EPHA6: variants seen among roughly 807,000 people sequenced by gnomAD.
EPHA6 encodes the protein EPH receptor A6.
In EPHA6, 50 loss-of-function variants were observed where a neutral mutation model predicts 112.0. The observed-to-expected ratio is 0.45, with a 90% CI of 0.36 to 0.56. EPHA6 has a LOEUF of 0.56. Ranked by LOEUF, EPHA6 falls within the 20% of genes least tolerant of loss-of-function variation. EPHA6 has a pLI of 0.00. For missense variants in EPHA6, 1,280 were observed against 1,417.4 expected (o/e 0.90, Z 1.56); for synonymous variants, 529 against 490.7 (o/e 1.08, Z -1.03).
intron 10 of EPHA6, among the ~76,000 whole-genome samples, chr3:97,502,610 G>A (rs2092149077): frequency 1.3e-5 from 2 of 151,582 alleles, no homozygotes; most frequent in Non-Finnish European, 2.9e-5. Flanking sequence ...CAAGATGGGA[G>A]GATCACGAGG....
At chr3:97,349,541 A>G (rs985880875) in intron 5 of EPHA6, among the ~76,000 whole-genome samples, 1 of 152,150 alleles carries the variant, frequency 6.6e-6, no homozygotes, top group African/African-American at 2.4e-5. Flanking sequence ...AGAAATTTAA[A>G]TATGCATTCC....
rs576836695 is a variant in EPHA6 at position 97,658,332 on chromosome 3, A to G, written c.2784+20250A>G. 8.6e-5 allele frequency among the ~76,000 whole-genome samples: 13 copies of G among 151,806 alleles called. No homozygotes were observed. The East Asian group carries it at 2.1e-3, about 25-fold the overall frequency. On this transcript the variant is annotated intron_variant, in intron 14 of 17. Transcript: ENST00000389672. ...TATCCATGACAATTATTTGTCTCCAATATAGACCAATGTAAAAATGTATGT... is the reference window on the plus strand; with the variant it reads ...TATCCATGACAATTATTTGTCTCCAGTATAGACCAATGTAAAAATGTATGT...
At chr3:96,946,517 T>C (rs1387335726) in intron 2 of EPHA6, among the ~76,000 whole-genome samples, 1 of 152,228 alleles carries the variant, frequency 6.6e-6, no homozygotes, top group Non-Finnish European at 1.5e-5. Flanking sequence ...TCCTTTTTTA[T>C]GGCTGCATAG....
At chr3:97,741,584 C>T (rs1366981058) in intron 16 of EPHA6, among the ~76,000 whole-genome samples, 5 of 151,968 alleles carry the variant, frequency 3.3e-5, no homozygotes, top group Non-Finnish European at 5.9e-5. Flanking sequence ...CCCTTAGACA[C>T]GGAAACAGAG....
At chr3:97,374,550 T>C (rs941477538) in intron 5 of EPHA6, among the ~76,000 whole-genome samples, 2 of 152,086 alleles carry the variant, frequency 1.3e-5, no homozygotes, top group African/African-American at 4.8e-5. Flanking sequence ...GTATATTGCA[T>C]AATGCTAAGG....
chr3:97,696,477 A>G (rs192117130), intron 14 of EPHA6, among the ~76,000 whole-genome samples: 14 of 152,172 alleles, frequency 9.2e-5, no homozygotes, highest in African/African-American at 3.1e-4. Flanking sequence ...TACCTCATTA[A>G]TCTCTGTTTT....
intron 3 of EPHA6, among the ~76,000 whole-genome samples, chr3:97,039,954 A>G (rs1203613975): frequency 6.6e-6 from 1 of 152,054 alleles, no homozygotes; most frequent in East Asian, 1.9e-4. Flanking sequence ...ACTGAGAAAA[A>G]TAACTGAACA....
chr3:96,992,229 C>A (rs188422348), intron 3 of EPHA6, among the ~76,000 whole-genome samples: 1 of 152,242 alleles, frequency 6.6e-6, no homozygotes. Flanking sequence ...CATGTGTTGA[C>A]CTTTTAGTAT....
chr3:97,236,334 CG>C (rs1269191121), intron 4 of EPHA6, among the ~76,000 whole-genome samples: 1 of 151,418 alleles, frequency 6.6e-6, no homozygotes, highest in Non-Finnish European at 1.5e-5. Flanking sequence ...AGAGGAATGA[CG>C]TAAGAGTCTA....
chr3:97,429,723 T>C (rs1352131542), intron 6 of EPHA6, among the ~76,000 whole-genome samples: 1 of 152,216 alleles, frequency 6.6e-6, no homozygotes, highest in Non-Finnish European at 1.5e-5. Flanking sequence ...TCTATAATTT[T>C]AAACAAATCC....
At chr3:97,030,964 TAAAG>T (rs1392526502) in intron 3 of EPHA6, among the ~76,000 whole-genome samples, 2 of 152,018 alleles carry the variant, frequency 1.3e-5, no homozygotes, top group African/African-American at 4.8e-5. Flanking sequence ...TTCAAAGAGT[TAAAG>T]AATACCGATT....
At chr3:97,408,786 A>G (rs1357765201) in intron 6 of EPHA6, among the ~76,000 whole-genome samples, 1 of 151,974 alleles carries the variant, frequency 6.6e-6, no homozygotes, top group Non-Finnish European at 1.5e-5. Flanking sequence ...TCACCTCCCA[A>G]AGACCTCACC....
intron 5 of EPHA6, among the ~76,000 whole-genome samples, chr3:97,383,132 A>G (rs958673253): frequency 2.0e-5 from 3 of 152,038 alleles, no homozygotes; most frequent in African/African-American, 7.2e-5. Context: ...GTATTGAAAG[A>G]CTAATTAGGA....
chr3:97,419,920 T>A (rs890574337), intron 6 of EPHA6, among the ~76,000 whole-genome samples: 6 of 151,750 alleles, frequency 4.0e-5, no homozygotes, highest in African/African-American at 1.5e-4. Flanking sequence ...AATCAACACA[T>A]GAAATAACCA....
chr3:96,977,481 G>T (rs1384282042), intron 2 of EPHA6, among the ~76,000 whole-genome samples: 2 of 152,058 alleles, frequency 1.3e-5, no homozygotes, highest in Non-Finnish European at 2.9e-5. Context: ...ATATATTAGT[G>T]TAATAAAATT....
At chr3:97,088,562 C>A (rs1278552541) in intron 3 of EPHA6, among the ~76,000 whole-genome samples, 1 of 152,104 alleles carries the variant, frequency 6.6e-6, no homozygotes, top group Admixed American at 6.6e-5. Flanking sequence ...TGTTTCTTAC[C>A]TTCCTGCACC....
intron 14 of EPHA6, among the ~76,000 whole-genome samples, chr3:97,684,676 G>A (rs917610376): frequency 6.6e-6 from 1 of 152,158 alleles, no homozygotes; most frequent in Non-Finnish European, 1.5e-5. Flanking sequence ...TAAGAAAGGT[G>A]CAGAGCCAGA....
At chr3:97,043,458 GA>G (rs1362579652) in intron 3 of EPHA6, among the ~76,000 whole-genome samples, 1 of 152,090 alleles carries the variant, frequency 6.6e-6, no homozygotes, top group Non-Finnish European at 1.5e-5. Context: ...AGGAACCCTG[GA>G]AAACCTTGCC....
chr3:97,307,227 C>T (rs1207290499), intron 5 of EPHA6, among the ~76,000 whole-genome samples: 2 of 151,688 alleles, frequency 1.3e-5, no homozygotes, highest in Non-Finnish European at 2.9e-5. Context: ...GCCCACTCTT[C>T]TAGAGATAAG....
Sources: gnomAD v4.1 joint callset for allele counts (sites outside exome capture counted in the v4.1 genomes callset) on GRCh38, gnomAD v4.1.1 for gene constraint, MANE v1.5 for transcripts, NCBI Gene and HGNC (gene_info 2026-07-23, HGNC 2026-07-21) for gene names.